SLC24A3: variants seen among roughly 807,000 people sequenced by gnomAD.
The protein encoded by SLC24A3 is sodium/potassium/calcium exchanger 3.
SLC24A3 carries 28 observed loss-of-function variants against 75.8 expected under a neutral mutation model. The observed-to-expected ratio is 0.37, with a 90% CI of 0.27 to 0.51. The LOEUF (loss-of-function observed/expected upper bound fraction) is 0.51. Among genes scored for constraint, SLC24A3 ranks in the 20% least tolerant of loss-of-function variants. SLC24A3 has a pLI of 0.94. For missense variants in SLC24A3, 663 were observed against 847.8 expected, an observed-to-expected ratio of 0.78 and a Z score of 2.71; for synonymous variants, 372 against 334.1, an observed-to-expected ratio of 1.11 and a Z score of -1.24.
At chr20:19,670,398 A>G (rs1258789286) in intron 8 of SLC24A3, among the ~76,000 whole-genome samples, 2 of 152,218 alleles carry the variant, frequency 1.3e-5, no homozygotes, top group Non-Finnish European at 2.9e-5. Context: ...TGTCAACAAA[A>G]GCAAGGAATC....
intron 2 of SLC24A3, among the ~76,000 whole-genome samples, chr20:19,390,644 G>C (rs1295339927): frequency 6.6e-6 from 1 of 152,198 alleles, no homozygotes; most frequent in Admixed American, 6.5e-5. Context: ...GGAGTGACCT[G>C]TTGCTTGGAG....
intron 2 of SLC24A3, among the ~76,000 whole-genome samples, chr20:19,323,150 G>C (rs1984753302): frequency 6.9e-6 from 1 of 144,416 alleles, no homozygotes; most frequent in Non-Finnish European, 1.5e-5. Context: ...AGGTTGCAGT[G>C]AGCCGAGATC....
At chr20:19,355,575 T>C (rs7268057) in intron 2 of SLC24A3, among the ~76,000 whole-genome samples, 81,802 of 152,094 alleles carry the variant, frequency 0.54, 23,584 homozygotes, top group African/African-American at 0.75. Flanking sequence ...TCCCCAGCCC[T>C]TCTGGAATGT....
At chr20:19,256,613 A>G (rs1380349053) in intron 1 of SLC24A3, among the ~76,000 whole-genome samples, 1 of 152,010 alleles carries the variant, frequency 6.6e-6, no homozygotes, top group Non-Finnish European at 1.5e-5. Flanking sequence ...TACAAAAAAT[A>G]CAAAAATTAG....
intron 2 of SLC24A3, among the ~76,000 whole-genome samples, chr20:19,287,618 T>G (rs942031062): frequency 2.0e-5 from 3 of 152,232 alleles, no homozygotes; most frequent in African/African-American, 7.2e-5. Context: ...GCTTTAATCT[T>G]CATAACAATT....
intron 2 of SLC24A3, among the ~76,000 whole-genome samples, chr20:19,431,422 A>G (rs1480493227): frequency 2.6e-5 from 4 of 152,128 alleles, no homozygotes; most frequent in African/African-American, 9.7e-5. Context: ...GACAAGGTTC[A>G]GCAAGACCAG....
chr20:19,564,985 C>T (rs6081661), intron 3 of SLC24A3, among the ~76,000 whole-genome samples: 15,479 of 152,158 alleles, frequency 0.1, 875 homozygotes, highest in South Asian at 0.17. Flanking sequence ...TTTTTGTGTT[C>T]AGTAGAGATG....
chr20:19,666,955 A>G (rs2032406332), intron 8 of SLC24A3, among the ~76,000 whole-genome samples: 1 of 152,242 alleles, frequency 6.6e-6, no homozygotes, highest in East Asian at 1.9e-4. Context: ...TATTTGATCT[A>G]CAGAGGTAAG....
intron 4 of SLC24A3, among the ~76,000 whole-genome samples, chr20:19,581,340 C>G (rs902207212): frequency 1.3e-5 from 2 of 152,178 alleles, no homozygotes; most frequent in Non-Finnish European, 2.9e-5. Context: ...CAAAACAACT[C>G]TCTCTCTTTC....
chr20:19,560,591 A>C (rs963141731), intron 3 of SLC24A3, among the ~76,000 whole-genome samples: 1 of 152,236 alleles, frequency 6.6e-6, no homozygotes, highest in African/African-American at 2.4e-5. Context: ...ACACTGGATC[A>C]CTGCTATTCC....
chr20:19,538,180 G>A (rs566055448), intron 3 of SLC24A3, among the ~76,000 whole-genome samples: 2 of 152,270 alleles, frequency 1.3e-5, no homozygotes, highest in African/African-American at 2.4e-5. Context: ...GGCCATTTTA[G>A]GGTTGAGGTT....
At chr20:19,234,007 AGT>A (rs1982097849) in intron 1 of SLC24A3, among the ~76,000 whole-genome samples, 1 of 152,242 alleles carries the variant, frequency 6.6e-6, no homozygotes, top group South Asian at 2.1e-4. Context: ...TTATAGCCAG[AGT>A]AATATGGTTT....
At chr20:19,718,032 T>G (rs893604883) in intron 16 of SLC24A3, among the ~76,000 whole-genome samples, 1 of 152,234 alleles carries the variant, frequency 6.6e-6, no homozygotes, top group African/African-American at 2.4e-5. Flanking sequence ...ACTTGCGTAC[T>G]TTAATATTCC....
intron 2 of SLC24A3, among the ~76,000 whole-genome samples, chr20:19,438,586 G>A (rs1405629450): frequency 6.6e-6 from 1 of 152,076 alleles, no homozygotes; most frequent in East Asian, 1.9e-4. Context: ...TACATGGTAG[G>A]CAGTGTGAAC....
intron 2 of SLC24A3, among the ~76,000 whole-genome samples, chr20:19,498,334 T>C (rs1291255289): frequency 6.6e-6 from 1 of 152,172 alleles, no homozygotes; most frequent in African/African-American, 2.4e-5. Context: ...CACCAGTCCA[T>C]GGAAAAATTG....
At chr20:19,631,582 C>T (rs1006117297) in intron 6 of SLC24A3, among the ~76,000 whole-genome samples, 4 of 152,136 alleles carry the variant, frequency 2.6e-5, no homozygotes, top group African/African-American at 4.8e-5. Context: ...CTCATGGTCA[C>T]GTGGCTGACT....
chr20:19,495,292 G>T (rs1170466056), intron 2 of SLC24A3, among the ~76,000 whole-genome samples: 1 of 152,224 alleles, frequency 6.6e-6, no homozygotes, highest in African/African-American at 2.4e-5. Context: ...TGTCCTGCCT[G>T]TACTTTGCAT....
intron 2 of SLC24A3, among the ~76,000 whole-genome samples, chr20:19,458,950 G>A (rs1272040605): frequency 6.6e-6 from 1 of 152,140 alleles, no homozygotes; most frequent in East Asian, 1.9e-4. Context: ...CTTAGGACTG[G>A]TTAACCCACT....
At chr20:19,391,250 C>G (rs533458762) in intron 2 of SLC24A3, among the ~76,000 whole-genome samples, 1 of 152,196 alleles carries the variant, frequency 6.6e-6, no homozygotes, top group South Asian at 2.1e-4. Context: ...CCCAAGGCTA[C>G]TAGCCAAGCT....
Sources: gnomAD v4.1 joint callset for allele counts (sites outside exome capture counted in the v4.1 genomes callset) on GRCh38, gnomAD v4.1.1 for gene constraint, MANE v1.5 for transcripts, NCBI Gene and HGNC (gene_info 2026-07-23, HGNC 2026-07-21) for gene names.